Variants in ACCS observed in about 807,000 individuals in gnomAD.
ACCS encodes 1-aminocyclopropane-1-carboxylate synthase-like protein 1.
ACCS carries 42 observed loss-of-function variants against 59.8 expected under a neutral mutation model. The ratio of observed to expected loss-of-function variants is 0.70; its 90% confidence interval spans 0.55 to 0.91. The LOEUF (loss-of-function observed/expected upper bound fraction) is 0.91, where lower values mean the gene tolerates loss of function less well. Ranked by LOEUF, ACCS falls within the 40% of genes least tolerant of loss-of-function variation. The pLI, the probability that ACCS is intolerant of heterozygous loss-of-function variation, is 0.00. For missense variants in ACCS, 602 were observed against 630.4 expected (o/e 0.95, Z 0.48); for synonymous variants, 230 against 240.3 (o/e 0.96, Z 0.40).
At chr11:44,074,401 A>G (rs1411020367) in intron 4 of ACCS, among the ~76,000 whole-genome samples, 2 of 151,812 alleles carry the variant, frequency 1.3e-5, no homozygotes, top group Non-Finnish European at 2.9e-5. Context: ...AAGTCTCCTG[A>G]TTAGGTGGGG....
chr11:44,077,635 T>TAAG, intron 7 of ACCS: 3 of 1,436,078 alleles, frequency 2.1e-6, no homozygotes, highest in Non-Finnish European at 2.7e-6. Flanking sequence ...AGGGTAGACC[T>TAAG]AAGCATGACA....
chr11:44,077,796 G>A, intron 7 of ACCS, 49 bp from the exon 8 acceptor site: 1 of 1,601,162 alleles, frequency 6.2e-7, no homozygotes, highest in Admixed American at 1.7e-5. Flanking sequence ...TATTTTGGGG[G>A]GCAATGGTCA....
intron 4 of ACCS, 104 bp from the exon 5 acceptor site, chr11:44,074,508 G>A: frequency 1.2e-6 from 1 of 869,058 alleles, no homozygotes; most frequent in Middle Eastern, 2.3e-4. Context: ...TGGGAAATTA[G>A]GGAAGAGTGA....
At chr11:44,083,611 T>G (rs1229927473) in intron 14 of ACCS, 34 bp downstream of exon 14, 1 of 1,614,188 alleles carries the variant, frequency 6.2e-7, no homozygotes, top group Non-Finnish European at 8.5e-7. Context: ...CAGTCCTAAC[T>G]GCAGCCTTCA....
At position 44,083,779 on chromosome 11, in the gene ACCS, A is replaced by G; in HGVS notation, c.1493A>G (p.Asp498Gly). 6.2e-7 allele frequency: 1 copy of G among 1,612,032 alleles called. No homozygotes were observed. Residue 498 changes from aspartate (D) to glycine (G), a missense_variant, in exon 15 of 15, where the codon GAC becomes GGC. Asp to Gly is a moderately conservative substitution (Grantham distance 94). Coordinates refer to ENST00000263776, the MANE Select transcript of ACCS (RefSeq NM_032592.4). Reference protein sequence around the residue: ...PRPSQSQEPSDQRR With the variant: ...PRPSQSQEPSGQRR ...CCCTCTCAGAGCCAGGAGCCAAGTG[A>G]CCAACGCAGGTGAGCTGGTCATTGT...
chr11:44,074,541 C>T, intron 4 of ACCS, 71 bp from the exon 5 acceptor site: 1 of 1,188,440 alleles, frequency 8.4e-7, no homozygotes, highest in Non-Finnish European at 1.3e-6. Flanking sequence ...GAGGATTCAC[C>T]AGAGGAGCTT....
At chr11:44,073,071 G>A (rs3094390) in intron 3 of ACCS, among the ~76,000 whole-genome samples, 19,148 of 152,178 alleles carry the variant, frequency 0.13, 1,545 homozygotes, top group East Asian at 0.3. Context: ...CAAGACTGAG[G>A]TTCTAGCTCT....
At chr11:44,069,378 A>C (rs1952940089) in intron 2 of ACCS, among the ~76,000 whole-genome samples, 1 of 151,942 alleles carries the variant, frequency 6.6e-6, no homozygotes, top group Non-Finnish European at 1.5e-5. Context: ...CACTATGCCC[A>C]GCTAATTTTT....
In ACCS at chr11:44,073,507, G is replaced by A; in HGVS notation, c.409G>A (p.Gly137Arg). 1 of 1,608,196 alleles carries A rather than the reference G, an allele frequency of 6.2e-7. No individual in the cohort carries two copies. Among genetic ancestry groups the A allele is most frequent in the South Asian group, 1.1e-5 (1 of 89,416 alleles). ...PSLLQYADWRGHLFLREEVAK... is the reference protein window; with the variant it reads ...PSLLQYADWRRHLFLREEVAK... ...CCTGCTGCAGTATGCTGACTGGAGG[G>A]GACATCTGTTGTAAGTAGTTGCCAT... is the stretch of plus-strand genomic sequence containing the variant. The change falls in exon 4 of 15, where the codon GGA becomes AGA. Residue 137 changes from glycine (G) to arginine (R), a missense_variant. Coordinates refer to ENST00000263776, the MANE Select transcript of ACCS (RefSeq NM_032592.4).
In ACCS at chr11:44,077,299, C is replaced by A. The variant is rs1181835646; in HGVS notation, c.577C>A (p.Pro193Thr). Residue 193 changes from proline (P) to threonine (T), a missense_variant, in exon 7 of 15, where the codon CCT becomes ACT. Pro to Thr is a conservative substitution (Grantham distance 38). Transcript: ENST00000263776. Reference protein sequence around the residue: ...EAGEAFLIPTPYYGAITQHVC... With the variant: ...EAGEAFLIPTTYYGAITQHVC... ...CCCAGAGGCTTTCCTGATCCCCACC[C>A]CTTACTATGGCGCTATCACACAGCA... 1.9e-6 allele frequency: 3 copies of A among 1,614,154 alleles called. No homozygotes were observed. Among genetic ancestry groups the A allele is most frequent in the Non-Finnish European group, 2.5e-6 (3 of 1,179,986 alleles).
Position 44,077,863 on chromosome 11 carries a change from C to T in ACCS, c.673C>T (p.Arg225Cys), listed in dbSNP as rs145349955. ...LDSEVTGLDT[R>C]PFQLTVEKLE... Reference sequence around the variant, plus strand: ...TTTCCAGGTCACTGGGCTAGACACACGCCCCTTCCAGCTCACAGTGGAGAA... The same window carrying T: ...TTTCCAGGTCACTGGGCTAGACACATGCCCCTTCCAGCTCACAGTGGAGAA... The change falls in exon 8 of 15, where the codon CGC becomes TGC. Residue 225 changes from arginine (R) to cysteine (C), a missense_variant. Arg to Cys is a radical substitution (Grantham distance 180, BLOSUM62 -3). Transcript: ENST00000263776. 5.3e-4 allele frequency: 854 copies of T among 1,613,904 alleles called. 8 individuals carry two copies. The highest frequency in any genetic ancestry group is 1.7e-4 in the Non-Finnish European group (197 of 1,179,914).
In ACCS at chr11:44,077,917, T is replaced by C. The variant is rs1215716790; in HGVS notation, c.727T>C (p.Ser243Pro). The C allele has an allele frequency of 2.5e-6, 4 of 1,613,694 alleles. No homozygotes were observed. In the Admixed American group the frequency reaches 5.0e-5, roughly 20 times the overall value. Residue 243 changes from serine (S) to proline (P), a missense_variant, in exon 8 of 15, where the codon TCT becomes CCT. By Grantham distance (74) the Ser-to-Pro change is moderately conservative. Coordinates refer to ENST00000263776, the MANE Select transcript of ACCS (RefSeq NM_032592.4). The part of the protein sequence containing the change: ...KLEMALREAH[S>P]EGVKVKGLIL... ...GGAGATGGCCCTGAGAGAAGCTCAC[T>C]CTGAGGTCTGGGGATCAAATCAAAC...
chr11:44,068,987 C>G (rs1195387455), intron 2 of ACCS, among the ~76,000 whole-genome samples: 1 of 152,084 alleles, frequency 6.6e-6, no homozygotes, highest in Non-Finnish European at 1.5e-5. Flanking sequence ...TTAAAGAAGA[C>G]AGAGAAAGAT....
chr11:44,078,846 T>C, intron 9 of ACCS, 62 bp downstream of exon 9: 5 of 1,445,532 alleles, frequency 3.5e-6, no homozygotes. Context: ...CAATGCGGGT[T>C]TGGTGCAGGT....
At position 44,083,726 on chromosome 11, in the gene ACCS, C is replaced by T; in HGVS notation, c.1440C>T (p.Gly480=). 1 of 1,614,116 alleles carries T rather than the reference C, an allele frequency of 6.2e-7. No individual in the cohort carries two copies. The highest frequency in any genetic ancestry group is 1.1e-5 in the South Asian group (1 of 91,068). Residue 480 remains glycine (G), a synonymous_variant, in exon 15 of 15, where the codon GGC becomes GGT. Coordinates refer to ENST00000263776, the MANE Select transcript of ACCS (RefSeq NM_032592.4). The stretch of plus-strand genomic sequence containing the variant: ...AGAGGGTCCAGCAGGTGCTTGCAGG[C>T]AAATCCCAAGTGGCAGAAGACCCCC... ...GMQRVQQVLA[G]KSQVAEDPRP...
At chr11:44,081,899 C>A (rs1224173321) in intron 12 of ACCS, among the ~76,000 whole-genome samples, 1 of 152,170 alleles carries the variant, frequency 6.6e-6, no homozygotes, top group Admixed American at 6.5e-5. Context: ...ATCTCTCTTG[C>A]TGTGAATCTA....
chr11:44,072,148 T>TCTTATTTATTTATTTATTTA (rs1554991850), intron 3 of ACCS: 1 of 147,786 alleles, frequency 6.8e-6, no homozygotes, highest in African/African-American at 2.5e-5. Context: ...AGGGAATAGA[T>TCTTATTTATTTATTTATTTA]TTTATTTATT....
In ACCS at chr11:44,081,233, G is replaced by T; in HGVS notation, c.1024G>T (p.Val342Leu). 6.2e-7 allele frequency: 1 copy of T among 1,614,254 alleles called. No individual in the cohort carries two copies. The highest frequency in any genetic ancestry group is 1.1e-5 in the South Asian group (1 of 91,084). ...FGTLYTENQDVATAVASLCRY... is the reference protein window; with the variant it reads ...FGTLYTENQDLATAVASLCRY... ...CACGCTGTACACAGAAAACCAGGAT[G>T]TGGCCACTGCCGTGGCTTCCCTCTG... Residue 342 changes from valine (V) to leucine (L), a missense_variant, in exon 12 of 15, where the codon GTG (valine) becomes TTG (leucine). Coordinates refer to ENST00000263776, the MANE Select transcript of ACCS (RefSeq NM_032592.4).
At chr11:44,066,925 T>C (rs1274017197) in intron 1 of ACCS, among the ~76,000 whole-genome samples, 1 of 152,216 alleles carries the variant, frequency 6.6e-6, no homozygotes, top group Non-Finnish European at 1.5e-5. Flanking sequence ...AGTACTTTAT[T>C]GTCACTAACA....
Sources: gnomAD v4.1 joint callset for allele counts (sites outside exome capture counted in the v4.1 genomes callset) on GRCh38, gnomAD v4.1.1 for gene constraint, MANE v1.5 for transcripts, NCBI Gene and HGNC (gene_info 2026-07-23, HGNC 2026-07-21) for gene names.